The following IFNAR2 variants were observed in gnomAD, a reference collection of about 807,000 sequenced individuals.
IFNAR2 encodes interferon alpha/beta receptor 2.
A neutral mutation model predicts 49.4 loss-of-function variants in IFNAR2; 30 were observed. The ratio of observed to expected loss-of-function variants is 0.61; its 90% CI spans 0.45 to 0.82. The LOEUF is 0.82. Ranked by LOEUF, IFNAR2 falls within the 40% of genes least tolerant of loss-of-function variation. IFNAR2 has a pLI of 0.00. For synonymous variants in IFNAR2, 224 were observed against 234.5 expected, an observed-to-expected ratio of 0.96 and a Z score of 0.41; for missense variants, 600 against 622.7, an observed-to-expected ratio of 0.96 and a Z score of 0.39.
In IFNAR2 at chr21:33,260,633, C is replaced by T; in HGVS notation, c.746C>T (p.Thr249Ile). Residue 249 changes from threonine (T) to isoleucine (I), a missense_variant, in exon 8 of 9, where the codon ACT (threonine) becomes ATT (isoleucine). Coordinates refer to ENST00000342136, the MANE Select transcript of IFNAR2 (RefSeq NM_001289125.3). ...TCTGCCAAAATAGGAGGAATAATTA[C>T]TGTGTTTTTGATAGCATTGGTCTTG... ...AESAKIGGII[T>I]VFLIALVLTS... The T allele has an allele frequency of 1.3e-6, 2 of 1,597,440 alleles. No homozygotes were observed. The highest frequency in any genetic ancestry group is 1.7e-6 in the Non-Finnish European group (2 of 1,174,758).
At chr21:33,244,900 A>T in intron 3 of IFNAR2, 51 bp from the exon 4 acceptor site, 1 of 1,596,436 alleles carries the variant, frequency 6.3e-7, no homozygotes, top group Non-Finnish European at 8.6e-7. Flanking sequence ...CAGTGGCCAG[A>T]ATACAACTGT....
intron 7 of IFNAR2, 63 bp from the exon 8 acceptor site, chr21:33,260,534 A>G (rs1326729932): frequency 1.3e-6 from 2 of 1,490,472 alleles, no homozygotes; most frequent in Non-Finnish European, 1.8e-6. Flanking sequence ...ATGTACATTT[A>G]TTTCCATCTG....
intron 1 of IFNAR2, 62 bp from the exon 2 acceptor site, chr21:33,241,778 A>C: frequency 8.1e-7 from 1 of 1,236,964 alleles, no homozygotes; most frequent in Non-Finnish European, 1.1e-6. Flanking sequence ...ATGACTAGGA[A>C]TTTTACTATT....
At chr21:33,259,742 C>T (rs1988441294) in intron 7 of IFNAR2, among the ~76,000 whole-genome samples, 1 of 152,174 alleles carries the variant, frequency 6.6e-6, no homozygotes, top group South Asian at 2.1e-4. Context: ...ACAATCCAAT[C>T]CTTCACACTC....
At chr21:33,262,772 C>G (rs1601821026) in intron 8 of IFNAR2, 21 bp from the exon 9 acceptor site, 2 of 1,554,354 alleles carry the variant, frequency 1.3e-6, no homozygotes, top group South Asian at 1.2e-5. Flanking sequence ...GACTCTCTCT[C>G]TCTTTTTTTT....
intron 5 of IFNAR2, among the ~76,000 whole-genome samples, chr21:33,247,417 C>T (rs1357429924): frequency 6.6e-6 from 1 of 151,836 alleles, no homozygotes; most frequent in Non-Finnish European, 1.5e-5. Flanking sequence ...ATACCTGGCT[C>T]ATTTTTTGTA....
chr21:33,249,606 C>T (rs1453880395), intron 6 of IFNAR2, among the ~76,000 whole-genome samples: 1 of 152,166 alleles, frequency 6.6e-6, no homozygotes, highest in Non-Finnish European at 1.5e-5. Flanking sequence ...TCTCAGTAAC[C>T]TCAGGGTTAT....
chr21:33,240,418 C>T (rs1419167645), intron 1 of IFNAR2, among the ~76,000 whole-genome samples: 1 of 152,206 alleles, frequency 6.6e-6, no homozygotes, highest in Admixed American at 6.5e-5. Flanking sequence ...TAAGTATACT[C>T]TGATGTTCAT....
intron 5 of IFNAR2, 100 bp downstream of exon 5, chr21:33,246,990 G>C: frequency 1.0e-6 from 1 of 980,852 alleles, no homozygotes; most frequent in East Asian, 2.6e-5. Context: ...TTTTAGACCT[G>C]GGGCTGGGCT....
At chr21:33,243,009 A>G (rs1250453694) in intron 2 of IFNAR2, among the ~76,000 whole-genome samples, 1 of 151,406 alleles carries the variant, frequency 6.6e-6, no homozygotes, top group African/African-American at 2.4e-5. Context: ...TGCTGGTCTC[A>G]CATTGCTGAC....
rs111580157 is a variant in IFNAR2 at position 33,230,427 on chromosome 21, C to A, written c.-84+211C>A. The A allele has an allele frequency of 2.4e-4, 115 of 469,510 alleles. No individual in the cohort carries two copies. Among genetic ancestry groups the A allele is most frequent in the African/African-American group, 2.0e-3 (101 of 49,754 alleles). 29.1% of individuals were successfully genotyped at this position (469,510 alleles called of 1,614,324 possible). ...CGGGGCCGCACCTGCGACCCCAGGA[C>A]CCCTCCCGGGCCCTGTCCTGCGCCC... On this transcript the variant is annotated intron_variant, in intron 1 of 8. Coordinates refer to ENST00000342136, the MANE Select transcript of IFNAR2 (RefSeq NM_001289125.3). The surrounding 1 kb of genome is among the most constrained non-coding windows in gnomAD (Gnocchi z 5.5).
At chr21:33,256,192 T>C (rs1039613542) in intron 7 of IFNAR2, among the ~76,000 whole-genome samples, 2 of 152,164 alleles carry the variant, frequency 1.3e-5, no homozygotes, top group Admixed American at 1.3e-4. Context: ...CCCCTGACTC[T>C]TTTCCATTTC....
chr21:33,239,541 C>A (rs939631479), intron 1 of IFNAR2, among the ~76,000 whole-genome samples: 8 of 151,460 alleles, frequency 5.3e-5, no homozygotes, highest in African/African-American at 1.9e-4. Flanking sequence ...CTGTACTCTC[C>A]CTCCTGGGGC....
intron 7 of IFNAR2, among the ~76,000 whole-genome samples, chr21:33,257,721 C>G (rs937363532): frequency 6.6e-6 from 1 of 152,158 alleles, no homozygotes; most frequent in African/African-American, 2.4e-5. Flanking sequence ...CCCAGGAAGT[C>G]CAGCTGGCCT....
At chr21:33,244,857 G>A (rs1303200202) in intron 3 of IFNAR2, 94 bp from the exon 4 acceptor site, 1 of 1,221,064 alleles carries the variant, frequency 8.2e-7, no homozygotes, top group African/African-American at 1.5e-5. Flanking sequence ...ATCTGCCAGA[G>A]GTGTGGGTTC....
chr21:33,249,515 CCT>C (rs1415835908), intron 6 of IFNAR2, among the ~76,000 whole-genome samples: 1 of 152,130 alleles, frequency 6.6e-6, no homozygotes, highest in Non-Finnish European at 1.5e-5. Context: ...TCTGTCGCTG[CCT>C]CTCTGGCCCT....
intron 6 of IFNAR2, 84 bp downstream of exon 6, chr21:33,248,938 C>A: frequency 1.0e-6 from 1 of 1,002,116 alleles, no homozygotes; most frequent in Non-Finnish European, 1.5e-6. Flanking sequence ...AGGAAATTTG[C>A]AGTTGAACAA....
At chr21:33,244,111 G>T (rs914209109) in intron 3 of IFNAR2, among the ~76,000 whole-genome samples, 1 of 151,976 alleles carries the variant, frequency 6.6e-6, no homozygotes, top group African/African-American at 2.4e-5. Context: ...TTCTTCCTAC[G>T]TATATAAATC....
intron 1 of IFNAR2, among the ~76,000 whole-genome samples, chr21:33,239,030 T>C (rs1394920706): frequency 1.3e-5 from 2 of 152,160 alleles, no homozygotes; most frequent in East Asian, 3.8e-4. Context: ...GAAACGAAAA[T>C]TCTCACACAT....
Sources: allele counts gnomAD v4.1 joint callset (sites outside exome capture counted in the v4.1 genomes callset), GRCh38; gene constraint gnomAD v4.1.1; non-coding constraint Gnocchi (gnomAD v3.1); transcripts MANE v1.5; gene names NCBI Gene and HGNC (gene_info 2026-07-23, HGNC 2026-07-21).